The following CNTNAP2 variants were observed in gnomAD, a reference collection of about 807,000 sequenced individuals.
The protein encoded by CNTNAP2 is contactin associated protein 2.
A neutral mutation model predicts 155.2 loss-of-function variants in CNTNAP2; 98 were observed. The ratio of observed to expected loss-of-function variants is 0.63; its 90% CI spans 0.54 to 0.75. The LOEUF (loss-of-function observed/expected upper bound fraction) is 0.75, where lower values mean the gene tolerates loss of function less well. Among genes scored for constraint, CNTNAP2 ranks in the 30% least tolerant of loss-of-function variants. The probability of loss-of-function intolerance (pLI) is 0.00; values close to 1 mark genes in which losing one functional copy is unlikely to be tolerated. For missense variants in CNTNAP2, 1,727 were observed against 1,688.1 expected (o/e 1.02, Z -0.40); for synonymous variants, 651 against 631.2 (o/e 1.03, Z -0.47).
At chr7:147,986,319 A>G (rs546399899) in intron 15 of CNTNAP2, among the ~76,000 whole-genome samples, 7 of 152,332 alleles carry the variant, frequency 4.6e-5, no homozygotes, top group African/African-American at 1.7e-4. Flanking sequence ...TTTTAAAAAG[A>G]GCATTAACAT....
intron 3 of CNTNAP2, among the ~76,000 whole-genome samples, chr7:146,932,932 A>G (rs957090659): frequency 1.3e-5 from 2 of 152,196 alleles, no homozygotes; most frequent in African/African-American, 4.8e-5. Flanking sequence ...TCAATGAAAT[A>G]AAACAGGATA....
At chr7:147,303,624 G>A (rs188767861) in intron 9 of CNTNAP2, among the ~76,000 whole-genome samples, 3 of 152,322 alleles carry the variant, frequency 2.0e-5, no homozygotes, top group African/African-American at 7.2e-5. Flanking sequence ...TTGGAATCCT[G>A]CATACCTGAT....
At chr7:147,058,027 AT>A (rs1799595811) in intron 4 of CNTNAP2, among the ~76,000 whole-genome samples, 1 of 152,156 alleles carries the variant, frequency 6.6e-6, no homozygotes, top group African/African-American at 2.4e-5. Context: ...TTTGTCTGTG[AT>A]TTGTGGAGAA....
intron 1 of CNTNAP2, among the ~76,000 whole-genome samples, chr7:146,206,002 G>A (rs1333989665): frequency 6.6e-6 from 1 of 151,820 alleles, no homozygotes; most frequent in African/African-American, 2.4e-5. Flanking sequence ...TGACCTCTAA[G>A]CATTTTATTT....
chr7:147,116,043 C>A (rs1800981247), intron 5 of CNTNAP2, among the ~76,000 whole-genome samples: 5 of 151,946 alleles, frequency 3.3e-5, no homozygotes, highest in Admixed American at 3.3e-4. Context: ...TTTTAATAGC[C>A]CTGTAGAAGT....
At chr7:147,198,852 T>C (rs1017736896) in intron 8 of CNTNAP2, among the ~76,000 whole-genome samples, 5 of 151,270 alleles carry the variant, frequency 3.3e-5, no homozygotes, top group Non-Finnish European at 7.4e-5. Context: ...GAAAGATTTA[T>C]AGGAAGAAGG....
At chr7:146,508,992 T>C (rs1357708349) in intron 1 of CNTNAP2, among the ~76,000 whole-genome samples, 1 of 152,172 alleles carries the variant, frequency 6.6e-6, no homozygotes, top group Non-Finnish European at 1.5e-5. Context: ...GCCATGGCAG[T>C]AGTCACCTCA....
intron 15 of CNTNAP2, among the ~76,000 whole-genome samples, chr7:148,091,735 T>C (rs1306449967): frequency 6.6e-6 from 1 of 152,200 alleles, no homozygotes; most frequent in African/African-American, 2.4e-5. Flanking sequence ...ACATCTTATA[T>C]TGAACTGTTT....
intron 12 of CNTNAP2, among the ~76,000 whole-genome samples, chr7:147,611,071 G>A (rs1801175594): frequency 6.8e-6 from 1 of 146,420 alleles, no homozygotes. Context: ...AGTTAGGTCA[G>A]TGTGGTGTAG....
Position 146,149,033 on chromosome 7 carries a change from G to A in CNTNAP2, c.97+32060G>A, listed in dbSNP as rs543485245. On this transcript the variant is annotated intron_variant, in intron 1 of 23. Transcript: ENST00000361727. ...ACATCACACACCGGGGCCTGTTGTG[G>A]GGTGGGGGGATGGGGGAGGGAAGGC... Among the ~76,000 whole-genome samples, 4 of 151,928 alleles carry A rather than the reference G, an allele frequency of 2.6e-5. No individual in the cohort carries two copies. The East Asian group carries it at 7.7e-4, about 29-fold the overall frequency.
At chr7:146,967,581 G>C (rs186476250) in intron 3 of CNTNAP2, among the ~76,000 whole-genome samples, 33 of 152,214 alleles carry the variant, frequency 2.2e-4, no homozygotes, top group African/African-American at 7.9e-4. Context: ...ATTGTGAATG[G>C]GAGTTCACAC....
chr7:147,319,286 A>C (rs891230562), intron 9 of CNTNAP2, among the ~76,000 whole-genome samples: 1 of 152,192 alleles, frequency 6.6e-6, no homozygotes, highest in Non-Finnish European at 1.5e-5. Context: ...TTATTAGGGA[A>C]GTTAATCTCT....
At chr7:148,012,186 G>A (rs550858557) in intron 15 of CNTNAP2, among the ~76,000 whole-genome samples, 34 of 152,274 alleles carry the variant, frequency 2.2e-4, no homozygotes, top group Non-Finnish European at 4.1e-4. Context: ...CCAAAGTGTC[G>A]GGATTACACT....
intron 21 of CNTNAP2, among the ~76,000 whole-genome samples, chr7:148,297,753 T>C (rs1438789831): frequency 6.6e-6 from 1 of 152,130 alleles, no homozygotes; most frequent in East Asian, 1.9e-4. Context: ...AAGGGGTATG[T>C]TGGATCATTT....
intron 12 of CNTNAP2, among the ~76,000 whole-genome samples, chr7:147,566,666 A>G (rs922140103): frequency 2.0e-5 from 3 of 152,080 alleles, no homozygotes; most frequent in African/African-American, 4.8e-5. Context: ...CTATTATGAG[A>G]AGTACATGGA....
intron 9 of CNTNAP2, among the ~76,000 whole-genome samples, chr7:147,314,861 C>G (rs979983213): frequency 1.3e-5 from 2 of 150,792 alleles, no homozygotes; most frequent in Admixed American, 6.6e-5. Context: ...GTTGGAAGAT[C>G]AAAAGAAGGA....
At chr7:147,483,822 C>G (rs1461979858) in intron 10 of CNTNAP2, among the ~76,000 whole-genome samples, 2 of 152,176 alleles carry the variant, frequency 1.3e-5, no homozygotes, top group Non-Finnish European at 2.9e-5. Context: ...TGTGTGTGTT[C>G]CCACGCCTCA....
chr7:148,074,220 T>C (rs2116534798), intron 15 of CNTNAP2, among the ~76,000 whole-genome samples: 1 of 152,262 alleles, frequency 6.6e-6, no homozygotes, highest in Admixed American at 6.5e-5. Context: ...CCCCCAGCTT[T>C]GTCTCTTTCT....
At chr7:148,321,711 G>A (rs182707521) in intron 21 of CNTNAP2, among the ~76,000 whole-genome samples, 2 of 152,232 alleles carry the variant, frequency 1.3e-5, no homozygotes, top group Admixed American at 6.5e-5. Context: ...GCAATCATCA[G>A]GCAAATAATA....
Sources: gnomAD v4.1 joint callset for allele counts (sites outside exome capture counted in the v4.1 genomes callset) on GRCh38, gnomAD v4.1.1 for gene constraint, MANE v1.5 for transcripts, NCBI Gene and HGNC (gene_info 2026-07-23, HGNC 2026-07-21) for gene names.